LINGO2: variants seen among roughly 807,000 people sequenced by gnomAD.
LINGO2 encodes leucine rich repeat and Ig domain containing 2, also known as leucine-rich repeat and immunoglobulin-like domain-containing nogo receptor-interacting protein 2.
A neutral mutation model predicts 30.6 loss-of-function variants in LINGO2; 14 were observed. The observed-to-expected ratio is 0.46, with a 90% CI of 0.30 to 0.72. The LOEUF is 0.72. LINGO2 is among the 30% of genes least tolerant of loss of function. The pLI is 0.07. For synonymous variants in LINGO2, 317 were observed against 288.5 expected, an observed-to-expected ratio of 1.10 and a Z score of -1.00; for missense variants, 729 against 751.7, an observed-to-expected ratio of 0.97 and a Z score of 0.35.
chr9:28,632,422 G>A (rs1826989084), intron 1 of LINGO2, among the ~76,000 whole-genome samples: 1 of 151,572 alleles, frequency 6.6e-6, no homozygotes, highest in South Asian at 2.1e-4. Context: ...CCAGATGAGA[G>A]AAAGAACAAG....
chr9:28,983,352 A>G, the LINGO2 span, among the ~76,000 whole-genome samples: 1 of 151,818 alleles, frequency 6.6e-6, no homozygotes, highest in Non-Finnish European at 1.5e-5. Context: ...TGATTAAGCA[A>G]ATTGCTTTGC....
At chr9:28,080,162 C>T (rs1825734245) in intron 4 of LINGO2, among the ~76,000 whole-genome samples, 1 of 152,208 alleles carries the variant, frequency 6.6e-6, no homozygotes, top group Non-Finnish European at 1.5e-5. Flanking sequence ...GGGACATGTT[C>T]CAAATAGTAG....
chr9:28,211,305 A>G (rs948238357), intron 4 of LINGO2, among the ~76,000 whole-genome samples: 1 of 127,690 alleles, frequency 7.8e-6, no homozygotes, highest in Non-Finnish European at 1.7e-5. Flanking sequence ...TTTTTTTTTT[A>G]GTTTGAGGAC....
At chr9:28,920,800 T>C in the LINGO2 span, among the ~76,000 whole-genome samples, 1 of 152,098 alleles carries the variant, frequency 6.6e-6, no homozygotes, top group East Asian at 1.9e-4. Context: ...TTGTCTAGGA[T>C]CAGAAAAGCC....
chr9:28,137,589 T>G (rs940677915), intron 4 of LINGO2, among the ~76,000 whole-genome samples: 8 of 151,918 alleles, frequency 5.3e-5, no homozygotes, highest in African/African-American at 1.9e-4. Flanking sequence ...TTATATATAT[T>G]TTATATATTT....
At chr9:27,960,068 G>T (rs929209020) in intron 5 of LINGO2, among the ~76,000 whole-genome samples, 11 of 151,646 alleles carry the variant, frequency 7.3e-5, no homozygotes, top group African/African-American at 2.7e-4. Context: ...AATATATTGG[G>T]GGTTATTTCA....
chr9:28,178,390 C>G (rs1828806934), intron 4 of LINGO2, among the ~76,000 whole-genome samples: 1 of 151,914 alleles, frequency 6.6e-6, no homozygotes. Flanking sequence ...AATATACATT[C>G]AAAATATACA....
chr9:28,311,024 AT>A (rs1824595771), intron 3 of LINGO2, among the ~76,000 whole-genome samples: 1 of 152,184 alleles, frequency 6.6e-6, no homozygotes, highest in African/African-American at 2.4e-5. Flanking sequence ...TTTCATGTAG[AT>A]TCTTTTCTAT....
chr9:28,229,386 TAA>T (rs1406842146), intron 4 of LINGO2, among the ~76,000 whole-genome samples: 1 of 151,202 alleles, frequency 6.6e-6, no homozygotes, highest in African/African-American at 2.4e-5. Flanking sequence ...AAGAAAAAAA[TAA>T]AGACAATTTT....
chr9:27,942,062 T>C, the LINGO2 span: 9 of 152,200 alleles, frequency 5.9e-5, no homozygotes, highest in Non-Finnish European at 1.0e-4. Context: ...TTGCAAGTGA[T>C]ACAGGATTTA....
chr9:28,873,711 A>G, the LINGO2 span, among the ~76,000 whole-genome samples: 1 of 152,246 alleles, frequency 6.6e-6, no homozygotes, highest in African/African-American at 2.4e-5. Context: ...GAAAAAGACT[A>G]AAGGAAGAAT....
intron 1 of LINGO2, among the ~76,000 whole-genome samples, chr9:28,609,096 T>C (rs892305318): frequency 1.3e-5 from 2 of 151,574 alleles, no homozygotes; most frequent in African/African-American, 4.8e-5. Flanking sequence ...ATCTAGAACA[T>C]ATGCATCAGC....
chr9:27,949,505 A>T (rs1823521663), exon 6 of LINGO2: 2 of 1,614,020 alleles, frequency 1.2e-6, no homozygotes, highest in Admixed American at 1.7e-5. Flanking sequence ...AAGACCTCTC[A>T]CGGATGGTGT....
chr9:28,811,925 C>T, the LINGO2 span, among the ~76,000 whole-genome samples: 3 of 152,104 alleles, frequency 2.0e-5, no homozygotes, highest in Non-Finnish European at 4.4e-5. Flanking sequence ...ACCCCTAGAA[C>T]ACAATGGGTG....
intron 4 of LINGO2, among the ~76,000 whole-genome samples, chr9:28,181,187 T>C (rs1828900633): frequency 6.6e-6 from 1 of 152,148 alleles, no homozygotes; most frequent in African/African-American, 2.4e-5. Context: ...CGTGCAGCTC[T>C]TACCACCAAC....
the LINGO2 span, among the ~76,000 whole-genome samples, chr9:29,165,196 T>C: frequency 3.9e-5 from 6 of 152,178 alleles, no homozygotes; most frequent in African/African-American, 4.8e-5. Flanking sequence ...TCTGTATCAA[T>C]AGACATCAAA....
At chr9:29,023,015 T>A in the LINGO2 span, among the ~76,000 whole-genome samples, 1 of 151,340 alleles carries the variant, frequency 6.6e-6, no homozygotes, top group Non-Finnish European at 1.5e-5. Context: ...ATGAAATGCC[T>A]CATTTTTTAG....
the LINGO2 span, among the ~76,000 whole-genome samples, chr9:28,745,412 T>C: frequency 1.3e-5 from 2 of 152,000 alleles, no homozygotes; most frequent in African/African-American, 2.4e-5. Context: ...TGGGGTAAGG[T>C]GGTGTGTGAA....
At chr9:28,119,769 A>G (rs112062231) in intron 4 of LINGO2, among the ~76,000 whole-genome samples, 79 of 152,310 alleles carry the variant, frequency 5.2e-4, no homozygotes, top group South Asian at 8.3e-4. Flanking sequence ...AAATGTATCA[A>G]TCTGTCTCTA....
Sources: gnomAD v4.1 joint callset for allele counts (sites outside exome capture counted in the v4.1 genomes callset) on GRCh38, gnomAD v4.1.1 for gene constraint, MANE v1.5 for transcripts, NCBI Gene and HGNC (gene_info 2026-07-23, HGNC 2026-07-21) for gene names.